Variants in DLG5 observed in about 807,000 individuals in gnomAD.
The protein encoded by DLG5 is discs large MAGUK scaffold protein 5.
A neutral mutation model predicts 189.8 loss-of-function variants in DLG5; 48 were observed. That is an observed-to-expected ratio of 0.25 (90% CI 0.20 to 0.32). The LOEUF is 0.32. Ranked by LOEUF, DLG5 falls within the 10% of genes least tolerant of loss-of-function variation. The pLI is 1.00. For synonymous variants in DLG5, 1,016 were observed against 1,054.1 expected, an observed-to-expected ratio of 0.96 and a Z score of 0.70; for missense variants, 2,160 against 2,544.7, an observed-to-expected ratio of 0.85 and a Z score of 3.25.
rs769567834 is a variant in DLG5, at chr10:77,843,417, GC to G, written c.1124+29del. Reference sequence around the variant, plus strand: ...GCTGGGAACCTTATAGGACCCATTTGCCCCCGGCCCCCGATGGCCCTAGCCC... The same window carrying G: ...GCTGGGAACCTTATAGGACCCATTTGCCCCGGCCCCCGATGGCCCTAGCCC... On this transcript the variant is annotated intron_variant, in intron 6 of 31. Coordinates refer to ENST00000372391, the MANE Select transcript of DLG5 (RefSeq NM_004747.4). 12 of 1,607,598 alleles carry G rather than the reference GC, an allele frequency of 7.5e-6. No individual in the cohort carries two copies. In the Admixed American group the frequency reaches 1.7e-4, roughly 22 times the overall value.
rs113846974 is a variant in DLG5, at chr10:77,812,042, G to A, written c.4204C>T (p.Leu1402=). Residue 1402 remains leucine, a synonymous_variant, in exon 22 of 32, where the codon CTG becomes TTG. Coordinates refer to ENST00000372391, the MANE Select transcript of DLG5 (RefSeq NM_004747.4). ...GCCTGCTGCTCCGTGGCGCTCCGCAGGTTTATGCCGTTGAACTGGGGAAAC... is the reference window on the plus strand; with the variant it reads ...GCCTGCTGCTCCGTGGCGCTCCGCAAGTTTATGCCGTTGAACTGGGGAAAC... ...DQLLEFNGIN[L]RSATEQQARL... 311 of 1,610,454 alleles carry A rather than the reference G, an allele frequency of 1.9e-4. 1 individual carries two copies. The African/African-American group carries it at 3.4e-3, about 18-fold the overall frequency.
chr10:77,854,481 A>G, intron 3 of DLG5, 111 bp from the exon 4 acceptor site: 3 of 1,382,498 alleles, frequency 2.2e-6, no homozygotes, highest in East Asian at 2.3e-5. Context: ...CTGGTCTTCT[A>G]TGCACCACAC....
intron 1 of DLG5, among the ~76,000 whole-genome samples, chr10:77,888,671 C>A (rs772299984): frequency 6.6e-6 from 1 of 152,132 alleles, no homozygotes; most frequent in Non-Finnish European, 1.5e-5. Context: ...AATCCACCTG[C>A]GCACCAACAC....
At chr10:77,853,271 CA>C in intron 5 of DLG5, 82 bp downstream of exon 5, 2 of 1,273,078 alleles carry the variant, frequency 1.6e-6, no homozygotes, top group Non-Finnish European at 2.0e-6. Context: ...CCCGGCCCAG[CA>C]TTTACTTCTC....
intron 1 of DLG5, among the ~76,000 whole-genome samples, chr10:77,893,140 A>G (rs964789949): frequency 1.3e-5 from 2 of 152,210 alleles, no homozygotes; most frequent in Admixed American, 1.3e-4. Context: ...AGGACAAATA[A>G]ACGTCACCTT....
chr10:77,825,116 C>G (rs1336031589), intron 13 of DLG5, among the ~76,000 whole-genome samples: 2 of 152,164 alleles, frequency 1.3e-5, no homozygotes, highest in Non-Finnish European at 2.9e-5. Flanking sequence ...TTGGGTGGAT[C>G]TTGCAGGCAT....
At chr10:77,893,446 C>G (rs1408172490) in intron 1 of DLG5, among the ~76,000 whole-genome samples, 3 of 152,214 alleles carry the variant, frequency 2.0e-5, no homozygotes, top group African/African-American at 7.2e-5. Flanking sequence ...GAAGAGAAAA[C>G]AAGGTCGAGA....
intron 1 of DLG5, among the ~76,000 whole-genome samples, chr10:77,920,476 G>A (rs576518473): frequency 1.7e-4 from 26 of 152,184 alleles, no homozygotes; most frequent in Admixed American, 6.5e-4. Context: ...CATCGCTGCT[G>A]CTTGTCTTCC....
In DLG5 at chr10:77,926,090, C is replaced by T. The variant is rs7093523; in HGVS notation, c.304+127G>A. 2.1e-3 allele frequency: 2,196 copies of T among 1,046,778 alleles called. 35 individuals carry two copies. The African/African-American group carries it at 0.032, about 15-fold the overall frequency. The allele number at this position is 1,046,778 out of a possible 1,614,324, so 64.8% of individuals were successfully genotyped here. Reference sequence around the variant, plus strand: ...GCGCACCGCCGCCTCCCCAACTGGGCCAGAGGAGCGAGTCCACCGAGGCCA... The same window carrying T: ...GCGCACCGCCGCCTCCCCAACTGGGTCAGAGGAGCGAGTCCACCGAGGCCA... On this transcript the variant is annotated intron_variant, in intron 1 of 31. Coordinates refer to ENST00000372391, the MANE Select transcript of DLG5 (RefSeq NM_004747.4). The surrounding 1 kb of genome is among the most constrained non-coding windows in gnomAD (Gnocchi z 5.2).
intron 7 of DLG5, among the ~76,000 whole-genome samples, chr10:77,840,641 C>T (rs999657224): frequency 5.1e-4 from 77 of 152,272 alleles, no homozygotes; most frequent in African/African-American, 1.8e-3. Flanking sequence ...ATTGCTTGAA[C>T]CCAGGAGGTA....
At chr10:77,879,584 C>A (rs1220311013) in intron 1 of DLG5, among the ~76,000 whole-genome samples, 1 of 151,748 alleles carries the variant, frequency 6.6e-6, no homozygotes, top group Non-Finnish European at 1.5e-5. Flanking sequence ...ACCAGAGTGA[C>A]AAGAATGGTG....
At chr10:77,913,406 GC>G (rs1846278848) in intron 1 of DLG5, among the ~76,000 whole-genome samples, 2 of 152,256 alleles carry the variant, frequency 1.3e-5, no homozygotes. Flanking sequence ...TTTGAGACAA[GC>G]AAAACTGAGC....
intron 5 of DLG5, 43 bp downstream of exon 5, chr10:77,853,311 G>A: frequency 7.0e-7 from 1 of 1,425,866 alleles, no homozygotes; most frequent in Non-Finnish European, 9.3e-7. Flanking sequence ...AAGGAATGAG[G>A]ACTACTTGGG....
intron 2 of DLG5, among the ~76,000 whole-genome samples, chr10:77,859,563 C>T (rs1010924191): frequency 6.6e-6 from 1 of 152,222 alleles, no homozygotes; most frequent in African/African-American, 2.4e-5. Flanking sequence ...GCTACCGTAG[C>T]CAGTACAGTA....
Position 77,816,556 on chromosome 10 carries a change from C to G in DLG5, c.4020G>C (p.Lys1340Asn). The G allele has an allele frequency of 6.2e-7, 1 of 1,614,080 alleles. No individual in the cohort carries two copies. Among genetic ancestry groups the G allele is most frequent in the Non-Finnish European group, 8.5e-7 (1 of 1,179,974 alleles). Residue 1340 changes from lysine (K) to asparagine (N), a missense_variant, in exon 20 of 32, where the codon AAG (lysine) becomes AAC (asparagine). This residue lies in a region of DLG5 where 754 missense variants were observed against 746.5 expected (regional missense o/e 1.01). Coordinates refer to ENST00000372391, the MANE Select transcript of DLG5 (RefSeq NM_004747.4). ...CGATGACCGGCCATGCTCACCTGTC[C>G]TTTCTCCGCTCCCCGAGGGACGCGG... ...VNPASLGERR[K>N]DRPYVEEPRH...
At chr10:77,888,139 T>C (rs1845495950) in intron 1 of DLG5, among the ~76,000 whole-genome samples, 1 of 152,216 alleles carries the variant, frequency 6.6e-6, no homozygotes, top group African/African-American at 2.4e-5. Context: ...GAGAGCTTTT[T>C]GTCCATGGTG....
intron 17 of DLG5, 63 bp from the exon 18 acceptor site, chr10:77,817,952 G>A: frequency 2.2e-6 from 3 of 1,356,166 alleles, no homozygotes; most frequent in Non-Finnish European, 3.1e-6. Flanking sequence ...GGCCACTGGG[G>A]AGAAACACAC....
chr10:77,930,884 G>A (rs1318082240), upstream of DLG5, among the ~76,000 whole-genome samples: 1 of 131,770 alleles, frequency 7.6e-6, no homozygotes, highest in Non-Finnish European at 1.5e-5. Context: ...GCAATGGCAT[G>A]ATCTCAGCTC....
intron 10 of DLG5, 124 bp downstream of exon 10, chr10:77,830,617 C>A: frequency 6.8e-7 from 1 of 1,469,482 alleles, no homozygotes; most frequent in Admixed American, 1.9e-5. Context: ...ATGCCTCACA[C>A]TCCTGGGAGG....
Sources: gnomAD v4.1 joint callset for allele counts (sites outside exome capture counted in the v4.1 genomes callset) on GRCh38, gnomAD v4.1.1 for gene constraint, gnomAD v4.1.1 regional missense constraint, Gnocchi (gnomAD v3.1) non-coding constraint, MANE v1.5 for transcripts, NCBI Gene and HGNC (gene_info 2026-07-23, HGNC 2026-07-21) for gene names.